The following KMT2D variants were observed in gnomAD, a reference collection of about 807,000 sequenced individuals.
KMT2D encodes the protein lysine methyltransferase 2D.
Under a neutral mutation model 512.7 loss-of-function variants are expected in KMT2D, and 55 were observed. The observed-to-expected ratio is 0.11, with a 90% CI of 0.09 to 0.13. The LOEUF is 0.13. Ranked by LOEUF, KMT2D falls within the 10% of genes least tolerant of loss-of-function variation. The pLI is 1.00. For synonymous variants in KMT2D, 2,995 were observed against 2,904.0 expected (o/e 1.03, Z -1.01); for missense variants, 6,061 against 7,127.9 (o/e 0.85, Z 5.39).
rs1257297267 is a variant in KMT2D, at chr12:49,052,408, T to C, written c.1275A>G (p.Gln425=). ...GGGGGGCCTCCAACTGGGGCTCAAG[T>C]TGGACCCCTGCTTTCCCTGCAGACA... ...EAKPLGKAGV[Q]LEPQLEAPLN... is the part of the protein sequence containing the mutation. Residue 425 remains glutamine, a synonymous_variant, in exon 11 of 55, where the codon CAA becomes CAG. Transcript: ENST00000301067. The C allele has an allele frequency of 6.5e-7, 1 of 1,542,786 alleles. No individual in the cohort carries two copies. Among genetic ancestry groups the C allele is most frequent in the Admixed American group, 2.0e-5 (1 of 51,214 alleles).
chr12:49,060,081 G>A lies in KMT2D; in HGVS notation c.-506C>T, dbSNP rs1321377954. ...CGCCGCCCCGCGCCTGGCCCGGATG[G>A]AACGTGAGACCCTCGCAGGAGCGCC... On this transcript the variant is annotated 5_prime_UTR_variant, in exon 1 of 55. Transcript: ENST00000301067. 6.6e-6 allele frequency among the ~76,000 whole-genome samples: 1 copy of A among 151,498 alleles called. No homozygotes were observed. Among genetic ancestry groups the A allele is most frequent in the Non-Finnish European group, 1.5e-5 (1 of 67,806 alleles).
At position 49,033,859 on chromosome 12, in the gene KMT2D, C is replaced by A. The variant is rs572083092; in HGVS notation, c.10846G>T (p.Val3616Leu). Residue 3616 changes from valine to leucine, a missense_variant, in exon 40 of 55, where the codon GTG (valine) becomes TTG (leucine). Around this residue, in one of 16 missense-constraint regions of KMT2D, gnomAD observed 1,600 missense variants for 1,754.9 expected, o/e 0.91. Coordinates refer to ENST00000301067, the MANE Select transcript of KMT2D (RefSeq NM_003482.4). Reference sequence around the variant, plus strand: ...CTCTGGGAAGGGCTGAGAGCCAGCACAGCTGAGTGCTGTTGCTGTTGTTGC... The same window carrying A: ...CTCTGGGAAGGGCTGAGAGCCAGCAAAGCTGAGTGCTGTTGCTGTTGTTGC... The part of the protein sequence containing the change: ...QQQQQQQHSA[V>L]LALSPSQSPR... The A allele has an allele frequency of 6.4e-7, 1 of 1,556,254 alleles. No homozygotes were observed. The highest frequency in any genetic ancestry group is 8.7e-7 in the Non-Finnish European group (1 of 1,152,762).
Position 49,060,619 on chromosome 12 carries a change from C to T in KMT2D, c.-1044G>A, listed in dbSNP as rs1049825338. 6.6e-6 allele frequency among the ~76,000 whole-genome samples: 1 copy of T among 152,228 alleles called. No individual in the cohort carries two copies. The highest frequency in any genetic ancestry group is 6.5e-5 in the Admixed American group (1 of 15,290). ...CTCCCCCCCTCCGCCTCCTGTTCGG[C>T]CGGTAGGGTGGTTCCTGCGAAGGGG... On this transcript the variant is annotated 5_prime_UTR_variant, in exon 1 of 55. Transcript: ENST00000301067.
At position 49,050,981 on chromosome 12, in the gene KMT2D, G is replaced by A. The variant is rs1465221310; in HGVS notation, c.2702C>T (p.Ser901Phe). ...LSPLLGEPAL[S>F]EPGEPPLSPL... The stretch of plus-strand genomic sequence containing the variant: ...GGACAGAGGTGGTTCCCCAGGCTCA[G>A]ACAGGGCTGGCTCTCCAAGCAAGGG... The change falls in exon 11 of 55, where the codon TCT (serine) becomes TTT (phenylalanine). Residue 901 changes from serine to phenylalanine, a missense_variant. Coordinates refer to ENST00000301067, the MANE Select transcript of KMT2D (RefSeq NM_003482.4). The A allele has an allele frequency of 6.4e-7, 1 of 1,566,542 alleles. No individual in the cohort carries two copies. The highest frequency in any genetic ancestry group is 8.6e-7 in the Non-Finnish European group (1 of 1,157,582).
At position 49,030,333 on chromosome 12, in the gene KMT2D, C is replaced by T. The variant is rs772817951; in HGVS notation, c.13946G>A (p.Gly4649Glu). Residue 4649 changes from glycine (G) to glutamate (E), a missense_variant, in exon 43 of 55, where the codon GGG becomes GAG. By Grantham distance (98) the Gly-to-Glu change is moderately conservative. Coordinates refer to ENST00000301067, the MANE Select transcript of KMT2D (RefSeq NM_003482.4). The part of the protein sequence containing the change: ...VNGVTPSEEL[G>E]EHPKDAASAR... Reference sequence around the variant, plus strand: ...AGAGGCAGCATCCTTGGGGTGCTCCCCCAGCTCTTCAGATGGGGTGACGCC... The same window carrying T: ...AGAGGCAGCATCCTTGGGGTGCTCCTCCAGCTCTTCAGATGGGGTGACGCC... 6.2e-7 allele frequency: 1 copy of T among 1,604,934 alleles called. No homozygotes were observed. The highest frequency in any genetic ancestry group is 8.5e-7 in the Non-Finnish European group (1 of 1,175,926).
In KMT2D at chr12:49,037,758, G is replaced by T. The variant is rs749517784; in HGVS notation, c.9598C>A (p.Pro3200Thr). The T allele has an allele frequency of 6.3e-7, 1 of 1,591,978 alleles. No homozygotes were observed. Reference protein sequence around the residue: ...GPPAHLLTPSPLSGPGGSSLL... With the variant: ...GPPAHLLTPSTLSGPGGSSLL... Reference sequence around the variant, plus strand: ...GAGGATCCTCCTGGGCCACTCAGTGGGCTGGGGGTCAGCAGGTGAGCTGGT... The same window carrying T: ...GAGGATCCTCCTGGGCCACTCAGTGTGCTGGGGGTCAGCAGGTGAGCTGGT... The change falls in exon 35 of 55, where the codon CCA becomes ACA. Residue 3200 changes from proline to threonine, a missense_variant. This residue lies in a region of KMT2D where 533 missense variants were observed against 539.6 expected (regional missense o/e 0.99). Transcript: ENST00000301067.
In KMT2D at chr12:49,021,722, C is replaced by A. The variant is rs367858198; in HGVS notation, c.*58G>T. The A allele has an allele frequency of 2.8e-6, 4 of 1,404,570 alleles. No homozygotes were observed. In the African/African-American group the frequency reaches 4.2e-5, roughly 15 times the overall value. 87.0% of individuals were successfully genotyped at this position (1,404,570 alleles called of 1,614,324 possible). On this transcript the variant is annotated 3_prime_UTR_variant, in exon 55 of 55. Coordinates refer to ENST00000301067, the MANE Select transcript of KMT2D (RefSeq NM_003482.4). Reference sequence around the variant, plus strand: ...CTGCTACCTCTCTTCCCCCTCATCCCTTTCAGGGAAGAGGTTGTGGGTAGG... The same window carrying A: ...CTGCTACCTCTCTTCCCCCTCATCCATTTCAGGGAAGAGGTTGTGGGTAGG...
chr12:49,027,230 T>G lies in KMT2D; in HGVS notation c.14736A>C (p.Glu4912Asp). 6.5e-7 allele frequency: 1 copy of G among 1,548,590 alleles called. No homozygotes were observed. The highest frequency in any genetic ancestry group is 8.7e-7 in the Non-Finnish European group (1 of 1,150,578). ...AGGGGGAAGGGGGCGGGGAGGGTTC[T>G]TCAGGAGGTGGGGCCGAGAGCTGTC... ...DVRQLSAPPP[E>D]EPSPPPSPLA... Residue 4912 changes from glutamate to aspartate, a missense_variant, in exon 49 of 55, where the codon GAA (glutamate) becomes GAC (aspartate). By Grantham distance (45) the Glu-to-Asp change is conservative. Coordinates refer to ENST00000301067, the MANE Select transcript of KMT2D (RefSeq NM_003482.4).
rs745754200 is a variant in KMT2D at position 49,031,689 on chromosome 12, G to C, written c.13016C>G (p.Thr4339Ser). ...CTGAGGTTTGGGGGTCCCTGGATGGGTGGGAGGGAGCTGGGCCTCAGTGGG... is the reference window on the plus strand; with the variant it reads ...CTGAGGTTTGGGGGTCCCTGGATGGCTGGGAGGGAGCTGGGCCTCAGTGGG... Reference protein sequence around the residue: ...QLPTEAQLPPTHPGTPKPQGP... With the variant: ...QLPTEAQLPPSHPGTPKPQGP... Residue 4339 changes from threonine (T) to serine (S), a missense_variant, in exon 40 of 55, where the codon ACC becomes AGC. Physicochemically the swap from Thr to Ser is moderately conservative, Grantham distance 58. Coordinates refer to ENST00000301067, the MANE Select transcript of KMT2D (RefSeq NM_003482.4). The C allele has an allele frequency of 2.5e-6, 4 of 1,612,230 alleles. No individual in the cohort carries two copies. In the South Asian group the frequency reaches 4.4e-5, roughly 18 times the overall value.
rs758932537 is a variant in KMT2D at position 49,037,294 on chromosome 12, C to G, written c.10062G>C (p.Gly3354=). 2 of 1,613,452 alleles carry G rather than the reference C, an allele frequency of 1.2e-6. No homozygotes were observed. The highest frequency in any genetic ancestry group is 1.1e-5 in the South Asian group (1 of 90,966). ...APSMAMVSNQ[G]HMLSGQHGGQ... ...CTCCATGCTGCCCACTTAGCATATG[C>G]CCTTGATTGGACACCATAGCCATGG... Residue 3354 remains glycine (G), a synonymous_variant, in exon 35 of 55, where the codon GGG becomes GGC. Transcript: ENST00000301067.
rs1343421943 is a variant in KMT2D at position 49,039,047 on chromosome 12, G to A, written c.8367-58C>T. On this transcript the variant is annotated intron_variant, in intron 34 of 54. Transcript: ENST00000301067. The surrounding 1 kb of genome is among the most constrained non-coding windows in gnomAD (Gnocchi z 5.0). ...ATCAGATGAAAAGGAGCAAGAACAT[G>A]GGCTTAGGGCAGTGAGGAAGGATAG... 1 of 1,531,488 alleles carries A rather than the reference G, an allele frequency of 6.5e-7. No homozygotes were observed. Among genetic ancestry groups the A allele is most frequent in the Non-Finnish European group, 8.9e-7 (1 of 1,125,064 alleles). 94.9% of individuals were successfully genotyped at this position (1,531,488 alleles called of 1,614,324 possible).
rs764534287 is a variant in KMT2D at position 49,039,621 on chromosome 12, T to C, written c.8047-4A>G. ...GCAGCTCTCGTAGTCGCTGGCGCTA[T>C]GCAAAAAAAAGAGAAGAGGAATAAG... On this transcript the variant is annotated splice_polypyrimidine_tract_variant and splice_region_variant and intron_variant, in intron 32 of 54. Coordinates refer to ENST00000301067, the MANE Select transcript of KMT2D (RefSeq NM_003482.4). The surrounding 1 kb of genome is among the most constrained non-coding windows in gnomAD (Gnocchi z 5.0). The C allele has an allele frequency of 4.3e-5, 69 of 1,604,576 alleles. No individual in the cohort carries two copies. The highest frequency in any genetic ancestry group is 5.5e-5 in the Non-Finnish European group (65 of 1,178,094).
Position 49,033,522 on chromosome 12 carries a change from A to ACGTTGCTGCTGCAGCTGCAGCTGCC in KMT2D, c.11182_11183insGGCAGCTGCAGCTGCAGCAGCAACG (p.Met3728ArgfsTer292). 1 of 1,612,986 alleles carries ACGTTGCTGCTGCAGCTGCAGCTGCC rather than the reference A, an allele frequency of 6.2e-7. No individual in the cohort carries two copies. Among genetic ancestry groups the ACGTTGCTGCTGCAGCTGCAGCTGCC allele is most frequent in the Non-Finnish European group, 8.5e-7 (1 of 1,179,642 alleles). The stretch of plus-strand genomic sequence containing the variant: ...CTGCTGCAGTTTCTGGGCCAGCTGC[A>ACGTTGCTGCTGCAGCTGCAGCTGCC]TACGTTGCTGCTGCAGCTGCAGCTG... On this transcript the variant is annotated frameshift_variant, in exon 40 of 55. Transcript: ENST00000301067. LOFTEE classifies it high-confidence loss of function.
rs1592142800 is a variant in KMT2D at position 49,044,294 on chromosome 12, A to G, written c.5094T>C (p.Gly1698=). 1 of 1,613,734 alleles carries G rather than the reference A, an allele frequency of 6.2e-7. No individual in the cohort carries two copies. The highest frequency in any genetic ancestry group is 2.2e-5 in the East Asian group (1 of 44,878). ...GGGATTTCCGCTGTCGCACCATGAA[A>G]CCACCAATGCCTATGAGGAGGCAGA... ...KRKPYRPGIG[G]FMVRQRKSHT... The change falls in exon 22 of 55, where the codon GGT becomes GGC. Residue 1698 remains glycine, a synonymous_variant. Transcript: ENST00000301067. This position sits in a 1 kb window ranked among gnomAD's most constrained non-coding sequence, Gnocchi z 6.4.
chr12:49,032,937 T>TGTA lies in KMT2D; in HGVS notation c.11767_11768insTAC (p.Gln3922_Gln3923insLeu). The TGTA allele has an allele frequency of 6.4e-7, 1 of 1,550,572 alleles. No individual in the cohort carries two copies. The highest frequency in any genetic ancestry group is 1.2e-5 in the South Asian group (1 of 84,006). ...AAGCTGTTGCTGCTGAAGTTGCTGT[T>TGTA]GCTGTTGTAGCTGCTGCTGCTGCTG... On this transcript the variant is annotated inframe_insertion, in exon 40 of 55. Transcript: ENST00000301067.
intron 36 of KMT2D, 51 bp downstream of exon 36, chr12:49,034,761 G>A: frequency 6.2e-7 from 1 of 1,607,672 alleles, no homozygotes; most frequent in Non-Finnish European, 8.5e-7. Context: ...GCCAAGAAGG[G>A]GTGTGACTGG....
In KMT2D at chr12:49,049,981, C is replaced by T. The variant is rs1314762950; in HGVS notation, c.3607G>A (p.Asp1203Asn). Reference protein sequence around the residue: ...APTPPTLIKSDIVNEISNLSQ... With the variant: ...APTPPTLIKSNIVNEISNLSQ... ...AGATTAGAGATCTCGTTAACGATGT[C>T]GGATTTGATGAGAGTGGGTGGTGTG... The change falls in exon 12 of 55, where the codon GAC becomes AAC. Residue 1203 changes from aspartate to asparagine, a missense_variant. Asp to Asn is a conservative substitution (Grantham distance 23). Coordinates refer to ENST00000301067, the MANE Select transcript of KMT2D (RefSeq NM_003482.4). The T allele has an allele frequency of 1.1e-5, 17 of 1,613,806 alleles. No individual in the cohort carries two copies. Among genetic ancestry groups the T allele is most frequent in the Admixed American group, 1.7e-5 (1 of 60,004 alleles).
At position 49,051,686 on chromosome 12, in the gene KMT2D, G is replaced by A. The variant is rs2120674715; in HGVS notation, c.1997C>T (p.Pro666Leu). 1.3e-6 allele frequency: 2 copies of A among 1,577,660 alleles called. No individual in the cohort carries two copies. The highest frequency in any genetic ancestry group is 1.2e-5 in the South Asian group (1 of 85,184). Residue 666 changes from proline to leucine, a missense_variant, in exon 11 of 55, where the codon CCT (proline) becomes CTT (leucine). Around this residue, in one of 16 missense-constraint regions of KMT2D, gnomAD observed 848 missense variants for 838.5 expected, o/e 1.01. Coordinates refer to ENST00000301067, the MANE Select transcript of KMT2D (RefSeq NM_003482.4). ...CGGTGGGGACAAGGGAGATTCCTCA[G>A]GCGGTGGAGACAGGCGTGACACCAC... is the stretch of plus-strand genomic sequence containing the variant. ...LPVVSRLSPP[P>L]EESPLSPPPE...
chr12:49,027,049 C>A lies in KMT2D; in HGVS notation c.14917G>T (p.Asp4973Tyr), dbSNP rs1942634438. ...PRARPPEEGE[D>Y]SRPPRLKKWK... ...TTCTTGAGGCGAGGAGGACGGGAATCTTCACCTTCTTCAGGGGGCCGGGCA... is the reference window on the plus strand; with the variant it reads ...TTCTTGAGGCGAGGAGGACGGGAATATTCACCTTCTTCAGGGGGCCGGGCA... The change falls in exon 49 of 55, where the codon GAT becomes TAT. Residue 4973 changes from aspartate to tyrosine, a missense_variant. Asp to Tyr is a radical substitution (Grantham distance 160, BLOSUM62 -3). Transcript: ENST00000301067. 1 of 1,613,944 alleles carries A rather than the reference C, an allele frequency of 6.2e-7. No individual in the cohort carries two copies. Among genetic ancestry groups the A allele is most frequent in the East Asian group, 2.2e-5 (1 of 44,884 alleles).
Sources: allele counts gnomAD v4.1 joint callset (sites outside exome capture counted in the v4.1 genomes callset), GRCh38; gene constraint gnomAD v4.1.1; regional missense constraint gnomAD v4.1.1; non-coding constraint Gnocchi (gnomAD v3.1); transcripts MANE v1.5; gene names NCBI Gene and HGNC (gene_info 2026-07-23, HGNC 2026-07-21).